Variants in SLC25A21 observed in about 807,000 individuals in gnomAD.
SLC25A21 encodes mitochondrial 2-oxodicarboxylate carrier.
In SLC25A21, 47 loss-of-function variants were observed where a neutral mutation model predicts 43.8. The ratio of observed to expected loss-of-function variants is 1.07; its 90% confidence interval spans 0.85 to 1.37. SLC25A21 has a LOEUF of 1.37. Among genes scored for constraint, SLC25A21 ranks in the 40% most tolerant of loss-of-function variants. The pLI, the probability that SLC25A21 is intolerant of heterozygous loss-of-function variation, is 0.00. For synonymous variants in SLC25A21, 131 were observed against 121.3 expected, an observed-to-expected ratio of 1.08 and a Z score of -0.52; for missense variants, 352 against 350.2, an observed-to-expected ratio of 1.00 and a Z score of -0.04.
chr14:36,986,302 A>G (rs78263481), intron 1 of SLC25A21, among the ~76,000 whole-genome samples: 2,999 of 152,250 alleles, frequency 0.02, 99 homozygotes, highest in African/African-American at 0.068. Context: ...TCCTTTTCAT[A>G]TTAGTAACCT....
intron 2 of SLC25A21, among the ~76,000 whole-genome samples, chr14:36,858,811 A>T (rs1249015813): frequency 6.6e-6 from 1 of 152,206 alleles, no homozygotes; most frequent in Admixed American, 6.5e-5. Context: ...GGGAAATCAA[A>T]ATATAAAACA....
chr14:36,994,573 A>G (rs556847980), intron 1 of SLC25A21, among the ~76,000 whole-genome samples: 1 of 152,262 alleles, frequency 6.6e-6, no homozygotes, highest in South Asian at 2.1e-4. Flanking sequence ...TAAAAAAGGG[A>G]CTAAATTCAG....
At chr14:36,693,724 C>T (rs886066060) in intron 7 of SLC25A21, among the ~76,000 whole-genome samples, 1 of 152,126 alleles carries the variant, frequency 6.6e-6, no homozygotes, top group African/African-American at 2.4e-5. Flanking sequence ...ACCACAACCT[C>T]CTGGGCTCAA....
At chr14:36,909,269 C>G (rs1487889281) in intron 1 of SLC25A21, among the ~76,000 whole-genome samples, 1 of 152,158 alleles carries the variant, frequency 6.6e-6, no homozygotes, top group African/African-American at 2.4e-5. Context: ...AAGCCTTGCA[C>G]ATACAATGGC....
chr14:36,716,901 A>C (rs1167853364), intron 6 of SLC25A21, among the ~76,000 whole-genome samples: 1 of 152,216 alleles, frequency 6.6e-6, no homozygotes, highest in Non-Finnish European at 1.5e-5. Flanking sequence ...GTCAAAAGAA[A>C]GCACGCTCCA....
chr14:36,753,074 TG>T (rs564029312), intron 3 of SLC25A21, among the ~76,000 whole-genome samples: 106 of 152,216 alleles, frequency 7.0e-4, no homozygotes, highest in African/African-American at 2.5e-3. Context: ...TGGTTGCCAG[TG>T]GCCAGGGGAG....
At chr14:36,974,001 A>G (rs1664653230) in intron 1 of SLC25A21, among the ~76,000 whole-genome samples, 1 of 152,194 alleles carries the variant, frequency 6.6e-6, no homozygotes, top group Non-Finnish European at 1.5e-5. Context: ...TATTTATTTT[A>G]GTGACTAAGG....
intron 1 of SLC25A21, among the ~76,000 whole-genome samples, chr14:36,984,839 G>T (rs1594737876): frequency 6.6e-6 from 1 of 152,044 alleles, no homozygotes; most frequent in East Asian, 1.9e-4. Flanking sequence ...TATGCCCAAA[G>T]GACTATAAAT....
intron 1 of SLC25A21, among the ~76,000 whole-genome samples, chr14:36,896,657 G>A (rs1411782434): frequency 6.6e-6 from 1 of 152,224 alleles, no homozygotes; most frequent in Non-Finnish European, 1.5e-5. Flanking sequence ...AATTTGGCAT[G>A]TTTTTCCAGT....
chr14:36,896,240 T>C (rs1256238342), intron 1 of SLC25A21, among the ~76,000 whole-genome samples: 2 of 152,202 alleles, frequency 1.3e-5, no homozygotes, highest in African/African-American at 4.8e-5. Flanking sequence ...TGGGTGCATA[T>C]ATATTTAGGA....
intron 3 of SLC25A21, among the ~76,000 whole-genome samples, chr14:36,762,125 C>T (rs578036782): frequency 1.1e-4 from 17 of 152,294 alleles, no homozygotes; most frequent in Admixed American, 1.0e-3. Flanking sequence ...GCTAGCCAGA[C>T]CTCTTATGGA....
intron 1 of SLC25A21, among the ~76,000 whole-genome samples, chr14:37,075,248 G>A (rs1422871099): frequency 6.6e-6 from 1 of 151,780 alleles, no homozygotes; most frequent in East Asian, 1.9e-4. Context: ...ACACTTCATG[G>A]GTGGTTCTTG....
intron 3 of SLC25A21, among the ~76,000 whole-genome samples, chr14:36,740,434 C>A (rs1335299702): frequency 6.6e-6 from 1 of 152,166 alleles, no homozygotes; most frequent in Non-Finnish European, 1.5e-5. Context: ...GTATTTTTCA[C>A]AAACCTAAGC....
chr14:36,979,535 T>C (rs1446047098), intron 1 of SLC25A21, among the ~76,000 whole-genome samples: 1 of 152,134 alleles, frequency 6.6e-6, no homozygotes, highest in East Asian at 1.9e-4. Flanking sequence ...TTTGTATTTT[T>C]AGTAGAGACA....
chr14:36,739,325 G>A (rs17105192), intron 3 of SLC25A21, among the ~76,000 whole-genome samples: 10,094 of 152,178 alleles, frequency 0.066, 1,106 homozygotes, highest in African/African-American at 0.23. Context: ...TCAGAATGAG[G>A]AAAAAATGAG....
At chr14:36,913,318 A>G (rs990806616) in intron 1 of SLC25A21, among the ~76,000 whole-genome samples, 1 of 152,106 alleles carries the variant, frequency 6.6e-6, no homozygotes, top group East Asian at 1.9e-4. Context: ...TTGAGACAGG[A>G]TTTTTGTGTT....
chr14:36,839,282 C>T (rs1236506443), intron 2 of SLC25A21, among the ~76,000 whole-genome samples: 1 of 152,152 alleles, frequency 6.6e-6, no homozygotes. Context: ...GTAACATTTG[C>T]ATTTGTATAT....
intron 1 of SLC25A21, among the ~76,000 whole-genome samples, chr14:37,132,013 C>T: frequency 6.6e-6 from 1 of 152,164 alleles, no homozygotes; most frequent in East Asian, 1.9e-4. Context: ...TTATTTCTCA[C>T]AGTTCTGAAG....
At chr14:37,024,889 G>A (rs1448745070) in intron 1 of SLC25A21, among the ~76,000 whole-genome samples, 1 of 151,988 alleles carries the variant, frequency 6.6e-6, no homozygotes, top group Non-Finnish European at 1.5e-5. Context: ...ATAACAAAGT[G>A]CAATATTTAG....
Sources: gnomAD v4.1 joint callset for allele counts (sites outside exome capture counted in the v4.1 genomes callset) on GRCh38, gnomAD v4.1.1 for gene constraint, MANE v1.5 for transcripts, NCBI Gene and HGNC (gene_info 2026-07-23, HGNC 2026-07-21) for gene names.